Variants in SRGAP3 observed in about 807,000 individuals in gnomAD.
SRGAP3 encodes the protein SLIT-ROBO Rho GTPase activating protein 3.
A neutral mutation model predicts 121.1 loss-of-function variants in SRGAP3; 39 were observed. The ratio of observed to expected loss-of-function variants is 0.32; its 90% CI spans 0.25 to 0.42. The LOEUF is 0.42. Among genes scored for constraint, SRGAP3 ranks in the 10% least tolerant of loss-of-function variants. The pLI is 1.00. For synonymous variants in SRGAP3, 601 were observed against 570.0 expected, an observed-to-expected ratio of 1.05 and a Z score of -0.77; for missense variants, 1,213 against 1,470.6, an observed-to-expected ratio of 0.82 and a Z score of 2.86.
At chr3:9,127,485 G>A (rs1324602528) in intron 1 of SRGAP3, among the ~76,000 whole-genome samples, 5 of 152,186 alleles carry the variant, frequency 3.3e-5, no homozygotes, top group African/African-American at 1.2e-4. Context: ...GTCTCGCTCT[G>A]TCGCCAGGCT....
At chr3:9,350,722 A>G (rs1297688764) in intron 1 of SRGAP3, among the ~76,000 whole-genome samples, 1 of 152,218 alleles carries the variant, frequency 6.6e-6, no homozygotes, top group East Asian at 1.9e-4. Flanking sequence ...GTTCACTTGC[A>G]CATGTAACTC....
intron 4 of SRGAP3, among the ~76,000 whole-genome samples, chr3:9,066,412 A>C (rs1370072463): frequency 6.6e-6 from 1 of 152,264 alleles, no homozygotes; most frequent in Non-Finnish European, 1.5e-5. Context: ...CAGAGAACTC[A>C]GAATGAATTC....
chr3:9,046,054 T>G (rs981850369), intron 10 of SRGAP3, among the ~76,000 whole-genome samples: 1 of 152,042 alleles, frequency 6.6e-6, no homozygotes, highest in Non-Finnish European at 1.5e-5. Context: ...AATGTCGGGA[T>G]GGGTAAAATT....
At chr3:9,038,939 C>T (rs1944897380) in intron 10 of SRGAP3, among the ~76,000 whole-genome samples, 1 of 152,126 alleles carries the variant, frequency 6.6e-6, no homozygotes, top group African/African-American at 2.4e-5. Flanking sequence ...CCAGCTACAT[C>T]CTCATTTCTC....
In SRGAP3 at chr3:9,249,029, G is replaced by A. The variant is rs768531109; in HGVS notation, c.-78C>T. ...CTTTTCGAGTCCTCTCTCAAGCCCT[G>A]GTAATCACACAGCTCTGGTCGATTT... On this transcript the variant is annotated 5_prime_UTR_variant, in exon 1 of 22. Transcript: ENST00000383836. The A allele has an allele frequency of 7.2e-6, 10 of 1,398,394 alleles. No homozygotes were observed. The highest frequency in any genetic ancestry group is 1.4e-5 in the African/African-American group (1 of 70,366). The allele number at this position is 1,398,394 out of a possible 1,614,324, so 86.6% of individuals were successfully genotyped here. A position where few individuals can be genotyped will look rare whatever the true frequency, so the allele number is the denominator to read the frequency against.
At chr3:9,258,097 C>G (rs552921411) in intron 3 of SRGAP3, among the ~76,000 whole-genome samples, 2 of 152,224 alleles carry the variant, frequency 1.3e-5, no homozygotes, top group South Asian at 4.1e-4. Context: ...GTTGTGAAGA[C>G]CTCAGTTTAA....
chr3:9,108,368 A>T (rs763776736), intron 2 of SRGAP3, among the ~76,000 whole-genome samples: 8 of 152,180 alleles, frequency 5.3e-5, no homozygotes, highest in Non-Finnish European at 1.2e-4. Flanking sequence ...CCTGAGTCCC[A>T]GGGCTTTGGG....
At chr3:9,189,211 A>G (rs773490748) in intron 1 of SRGAP3, among the ~76,000 whole-genome samples, 3 of 152,186 alleles carry the variant, frequency 2.0e-5, no homozygotes, top group Non-Finnish European at 4.4e-5. Context: ...CCTTGGCTAA[A>G]TCAAATTAAA....
chr3:9,323,798 A>AAC (rs139013302), intron 3 of SRGAP3, among the ~76,000 whole-genome samples: 1,879 of 148,866 alleles, frequency 0.013, 25 homozygotes, highest in African/African-American at 0.014. Context: ...CTGTGTATCT[A>AAC]ACACACACAC....
intron 1 of SRGAP3, among the ~76,000 whole-genome samples, chr3:9,219,711 CATG>C (rs1212438661): frequency 1.3e-5 from 2 of 152,072 alleles, no homozygotes; most frequent in Non-Finnish European, 2.9e-5. Context: ...ATTAGCCAGG[CATG>C]GTGGTGGGCA....
rs534044180 is a variant in SRGAP3, at chr3:8,990,691, G to A, written c.2707C>T (p.Arg903Trp). Residue 903 changes from arginine (R) to tryptophan (W), a missense_variant, in exon 21 of 22, where the codon CGG becomes TGG. Arg to Trp is a moderately radical substitution (Grantham distance 101). Around this residue, in one of 2 missense-constraint regions of SRGAP3, gnomAD observed 420 missense variants for 437.7 expected, o/e 0.96. Transcript: ENST00000383836. ...PSSPHKIPLTRGRIESPEKRR... is the reference protein window; with the variant it reads ...PSSPHKIPLTWGRIESPEKRR... ...TTCTCAGGGCTCTCGATCCTCCCCC[G>A]GGTGAGGGGGATTTTGTGGGGGCTG... 9.9e-6 allele frequency: 16 copies of A among 1,613,162 alleles called. No individual in the cohort carries two copies. The highest frequency in any genetic ancestry group is 9.3e-5 in the African/African-American group (7 of 74,930).
chr3:9,189,373 G>A (rs1002034489), intron 1 of SRGAP3, among the ~76,000 whole-genome samples: 119 of 152,326 alleles, frequency 7.8e-4, no homozygotes, highest in African/African-American at 2.7e-3. Flanking sequence ...CGTTTGTCCC[G>A]AGTCCCTTCT....
At chr3:9,172,657 A>G (rs1448873098) in intron 1 of SRGAP3, among the ~76,000 whole-genome samples, 1 of 152,092 alleles carries the variant, frequency 6.6e-6, no homozygotes, top group Non-Finnish European at 1.5e-5. Flanking sequence ...CCAACCCAAG[A>G]CTTCAAGACT....
Position 9,015,699 on chromosome 3 carries a change from G to A in SRGAP3, c.1711C>T (p.Arg571Ter). ...EDPLVDDQNE[R>*]DINSVAGVLK... The stretch of plus-strand genomic sequence containing the variant: ...ACACCAGCGACTGAATTGATATCTC[G>A]TTCATTTTGATCGTCCACAAGGGGG... The change falls in exon 15 of 22, where the codon CGA becomes TGA. Residue 571 changes from arginine (R) to a stop codon, truncating the protein, a stop_gained. Transcript: ENST00000383836. LOFTEE classifies it high-confidence loss of function. 6.2e-7 allele frequency: 1 copy of A among 1,614,160 alleles called. No individual in the cohort carries two copies. The highest frequency in any genetic ancestry group is 8.5e-7 in the Non-Finnish European group (1 of 1,180,034).
In SRGAP3 at chr3:8,990,836, C is replaced by A; in HGVS notation, c.2562G>T (p.Val854=). 6.5e-7 allele frequency: 1 copy of A among 1,536,992 alleles called. No individual in the cohort carries two copies. The highest frequency in any genetic ancestry group is 2.0e-5 in the Admixed American group (1 of 50,208). ...TGGCTGCTCCATCAGATCGTAACCG[C>A]ACTCTGCAAAGGAGCCAGGGGGCGA... is the stretch of plus-strand genomic sequence containing the variant. ...DYGFGGVMGR[V]RLRSDGAAIP... is the part of the protein sequence containing the mutation. Residue 854 remains valine (V), a synonymous_variant, in exon 21 of 22, where the codon GTG becomes GTT. Transcript: ENST00000383836.
chr3:9,167,471 C>T (rs1950830295), intron 1 of SRGAP3, among the ~76,000 whole-genome samples: 1 of 152,230 alleles, frequency 6.6e-6, no homozygotes, highest in African/African-American at 2.4e-5. Context: ...GCCTATGCCT[C>T]ACTTTGCACA....
At chr3:9,198,475 G>A (rs1485784479) in intron 1 of SRGAP3, among the ~76,000 whole-genome samples, 1 of 152,168 alleles carries the variant, frequency 6.6e-6, no homozygotes, top group Non-Finnish European at 1.5e-5. Flanking sequence ...CAGCTTCCTG[G>A]ACTTACAATC....
intron 3 of SRGAP3, among the ~76,000 whole-genome samples, chr3:9,290,215 C>A (rs1269645367): frequency 6.6e-6 from 1 of 152,134 alleles, no homozygotes; most frequent in Non-Finnish European, 1.5e-5. Context: ...CTGAGTATTT[C>A]TTCATAACTT....
intron 1 of SRGAP3, among the ~76,000 whole-genome samples, chr3:9,164,734 G>A (rs1950723226): frequency 6.6e-6 from 1 of 152,144 alleles, no homozygotes; most frequent in Admixed American, 6.5e-5. Flanking sequence ...AACAATATAG[G>A]TATTTCAGGT....
Sources: allele counts gnomAD v4.1 joint callset (sites outside exome capture counted in the v4.1 genomes callset), GRCh38; gene constraint gnomAD v4.1.1; regional missense constraint gnomAD v4.1.1; transcripts MANE v1.5; gene names NCBI Gene and HGNC (gene_info 2026-07-23, HGNC 2026-07-21).